TIMM50: variants seen among roughly 807,000 people sequenced by gnomAD.
TIMM50 encodes translocase of inner mitochondrial membrane 50.
In TIMM50, 34 loss-of-function variants were observed where a neutral mutation model predicts 49.6. That is an observed-to-expected ratio of 0.69 (90% confidence interval 0.52 to 0.91). The LOEUF (loss-of-function observed/expected upper bound fraction) is 0.91. Among genes scored for constraint, TIMM50 ranks in the 40% least tolerant of loss-of-function variants. The pLI is 0.00. For synonymous variants in TIMM50, 199 were observed against 198.4 expected, an observed-to-expected ratio of 1.00 and a Z score of -0.03; for missense variants, 458 against 477.8, an observed-to-expected ratio of 0.96 and a Z score of 0.39.
chr19:39,483,000 G>C (rs758131749), intron 3 of TIMM50, 84 bp downstream of exon 3: 2 of 1,608,972 alleles, frequency 1.2e-6, no homozygotes, highest in East Asian at 4.5e-5. Context: ...CAGGCACATT[G>C]CTGGTCTGGA....
rs2079545454 is a variant in TIMM50 at position 39,491,599 on chromosome 19, T to G, written c.*1779T>G. 1 of 151,220 alleles carries G rather than the reference T, an allele frequency of 6.6e-6. No individual in the cohort carries two copies. The highest frequency in any genetic ancestry group is 1.5e-5 in the Non-Finnish European group (1 of 67,820). 9.4% of individuals were successfully genotyped at this position (151,220 alleles called of 1,614,324 possible). A position where few individuals can be genotyped will look rare whatever the true frequency, so the allele number is the denominator to read the frequency against. ...CTTTGGGAGGCCGAAGCAGGAGGAT[T>G]GCTTGAATCCAGGAGTACGAGACCA... On this transcript the variant is annotated 3_prime_UTR_variant, in exon 11 of 11. Coordinates refer to ENST00000607714, the MANE Select transcript of TIMM50 (RefSeq NM_001001563.5).
rs2079559833 is a variant in TIMM50 at position 39,493,236 on chromosome 19, G to A, written c.*3416G>A. 1 of 152,062 alleles carries A rather than the reference G, an allele frequency of 6.6e-6. No individual in the cohort carries two copies. Among genetic ancestry groups the A allele is most frequent in the South Asian group, 2.1e-4 (1 of 4,828 alleles). 9.4% of individuals were successfully genotyped at this position (152,062 alleles called of 1,614,324 possible). On this transcript the variant is annotated 3_prime_UTR_variant, in exon 11 of 11. Transcript: ENST00000607714. ...CCAGCTTGAGGAAGTCTGCAGGACT[G>A]AGGGAGGGGACCTGTGCTTTTTTTT...
intron 7 of TIMM50, 47 bp from the exon 8 acceptor site, chr19:39,486,350 G>C: frequency 6.2e-7 from 1 of 1,613,028 alleles, no homozygotes; most frequent in Non-Finnish European, 8.5e-7. Context: ...GAGATCTGGA[G>C]GACCAGGGCT....
rs376066556 is a variant in TIMM50, at chr19:39,480,838, G to A, written c.-16G>A. ...AGAGGGAGCGAGTGGGCGGGGCCGC[G>A]TGGCGTCAGCGCAAGATGGCGGCCT... On this transcript the variant is annotated 5_prime_UTR_variant, in exon 1 of 11. The change creates a new upstream start codon in the 5' untranslated region. Coordinates refer to ENST00000607714, the MANE Select transcript of TIMM50 (RefSeq NM_001001563.5). 3 of 1,594,022 alleles carry A rather than the reference G, an allele frequency of 1.9e-6. No individual in the cohort carries two copies. The highest frequency in any genetic ancestry group is 4.6e-5 in the East Asian group (2 of 43,884).
intron 2 of TIMM50, 36 bp downstream of exon 2, chr19:39,482,069 T>C: frequency 6.2e-7 from 1 of 1,601,352 alleles, no homozygotes; most frequent in Non-Finnish European, 8.5e-7. Flanking sequence ...GTTTTGTTCC[T>C]TGGCCTCCCT....
At position 39,480,947 on chromosome 19, in the gene TIMM50, C is replaced by T. The variant is rs761234754; in HGVS notation, c.94C>T (p.Arg32Trp). 4 of 1,584,810 alleles carry T rather than the reference C, an allele frequency of 2.5e-6. No individual in the cohort carries two copies. The highest frequency in any genetic ancestry group is 1.1e-5 in the South Asian group (1 of 89,442). The change falls in exon 1 of 11, where the codon CGG becomes TGG. Residue 32 changes from arginine to tryptophan, a missense_variant. Arg to Trp is a moderately radical substitution (Grantham distance 101). Coordinates refer to ENST00000607714, the MANE Select transcript of TIMM50 (RefSeq NM_001001563.5). ...LCTRLATPPR[R>W]APDQAAEIGS... ...CACGAGGTTGGCGACGCCGCCCCGC[C>T]GGGCCCCAGATCAGGTGAGCGGAAC...
In TIMM50 at chr19:39,488,619, A is replaced by C. The variant is rs749295564; in HGVS notation, c.934A>C (p.Lys312Gln). ...GGAGGATGACCCGCTGGCGGCTTTC[A>C]AACAGCGGCAAAGCCGGCTAGAGCA... ...ALEDDPLAAF[K>Q]QRQSRLEQEE... Residue 312 changes from lysine to glutamine, a missense_variant, in exon 10 of 11, where the codon AAA becomes CAA. Coordinates refer to ENST00000607714, the MANE Select transcript of TIMM50 (RefSeq NM_001001563.5). 8 of 1,613,622 alleles carry C rather than the reference A, an allele frequency of 5.0e-6. No homozygotes were observed. In the Admixed American group the frequency reaches 1.3e-4, roughly 27 times the overall value.
chr19:39,484,179 C>T (rs1474588806), intron 4 of TIMM50, among the ~76,000 whole-genome samples: 2 of 152,074 alleles, frequency 1.3e-5, no homozygotes, highest in African/African-American at 4.8e-5. Context: ...TTTTAAGAGG[C>T]AGGCCCATGT....
intron 10 of TIMM50, among the ~76,000 whole-genome samples, chr19:39,489,223 G>GAGAGGGGTCATGGGGCTC (rs2144739867): frequency 6.6e-6 from 1 of 152,072 alleles, no homozygotes; most frequent in Admixed American, 6.6e-5. Flanking sequence ...CCTGCATCCA[G>GAGAGGGGTCATGGGGCTC]AGAGGGGTCA....
In TIMM50 at chr19:39,488,608, T is replaced by C; in HGVS notation, c.923T>C (p.Leu308Pro). 6.2e-7 allele frequency: 1 copy of C among 1,613,652 alleles called. No homozygotes were observed. The highest frequency in any genetic ancestry group is 8.5e-7 in the Non-Finnish European group (1 of 1,180,008). Residue 308 changes from leucine (L) to proline (P), a missense_variant, in exon 10 of 11, where the codon CTG (leucine) becomes CCG (proline). Transcript: ENST00000607714. ...LEHYALEDDP[L>P]AAFKQRQSRL... Reference sequence around the variant, plus strand: ...CACTATGCCCTGGAGGATGACCCGCTGGCGGCTTTCAAACAGCGGCAAAGC... The same window carrying C: ...CACTATGCCCTGGAGGATGACCCGCCGGCGGCTTTCAAACAGCGGCAAAGC...
rs2079555891 is a variant in TIMM50, at chr19:39,492,880, A to AAAAAAAAAAAC, written c.*3070_*3071insCAAAAAAAAAA. The AAAAAAAAAAAC allele has an allele frequency of 7.0e-6, 1 of 143,394 alleles. No homozygotes were observed. The highest frequency in any genetic ancestry group is 1.5e-5 in the Non-Finnish European group (1 of 67,354). 8.9% of individuals were successfully genotyped at this position (143,394 alleles called of 1,614,324 possible). On this transcript the variant is annotated 3_prime_UTR_variant, in exon 11 of 11. Coordinates refer to ENST00000607714, the MANE Select transcript of TIMM50 (RefSeq NM_001001563.5). Reference sequence around the variant, plus strand: ...AGTAAGGCTCTGTCTCCAAAAAAAAAAAAAAAAAAAAACAAAAAAAAAACC... The same window carrying AAAAAAAAAAAC: ...AGTAAGGCTCTGTCTCCAAAAAAAAAAAAAAAAAAACAAAAAAAAAAAACAAAAAAAAAACC...
rs768088837 is a variant in TIMM50, at chr19:39,485,826, A to G, written c.492+19A>G. 2 of 1,613,714 alleles carry G rather than the reference A, an allele frequency of 1.2e-6. No homozygotes were observed. The highest frequency in any genetic ancestry group is 2.2e-5 in the East Asian group (1 of 44,874). On this transcript the variant is annotated intron_variant, in intron 6 of 10. Coordinates refer to ENST00000607714, the MANE Select transcript of TIMM50 (RefSeq NM_001001563.5). ...GTGGTCGGTGTGTCCCGGGAAACCC[A>G]GTGGGTTGGGGATAGACCTGGGCAG...
At chr19:39,481,246 A>T (rs2079469413) in intron 1 of TIMM50, 1 of 485,840 alleles carries the variant, frequency 2.1e-6, no homozygotes, top group Admixed American at 4.0e-5. Flanking sequence ...CTTGAGCAGG[A>T]GGGGCCTGGG....
chr19:39,486,028 A>T, intron 6 of TIMM50, 159 bp from the exon 7 acceptor site: 2 of 1,059,062 alleles, frequency 1.9e-6, no homozygotes, highest in Non-Finnish European at 2.8e-6. Context: ...AAGGAGCCAG[A>T]CCCGCAGTCA....
chr19:39,482,871 G>A lies in TIMM50; in HGVS notation c.260-14G>A, dbSNP rs758041751. 9.9e-6 allele frequency: 16 copies of A among 1,613,788 alleles called. No homozygotes were observed. The South Asian group carries it at 1.6e-4, about 17-fold the overall frequency. Reference sequence around the variant, plus strand: ...GGCCCTAATTCCTCATATTCATCCTGGTCTCCCTTGCAGGAAACAACCCGG... The same window carrying A: ...GGCCCTAATTCCTCATATTCATCCTAGTCTCCCTTGCAGGAAACAACCCGG... On this transcript the variant is annotated splice_polypyrimidine_tract_variant and intron_variant, in intron 2 of 10. Coordinates refer to ENST00000607714, the MANE Select transcript of TIMM50 (RefSeq NM_001001563.5).
Position 39,489,763 on chromosome 19 carries a change from G to A in TIMM50, c.1005G>A (p.Gln335=). 6.2e-7 allele frequency: 1 copy of A among 1,612,634 alleles called. No homozygotes were observed. The highest frequency in any genetic ancestry group is 8.5e-7 in the Non-Finnish European group (1 of 1,179,518). ...CCGAGCTCTCCAAGTCCAACAAGCA[G>A]AACCTCTTCCTTGGCTCCCTCACCA... ...RLAELSKSNK[Q]NLFLGSLTSR... Residue 335 remains glutamine, a synonymous_variant, in exon 11 of 11, where the codon CAG becomes CAA. Transcript: ENST00000607714.
In TIMM50 at chr19:39,480,893, G is replaced by A. The variant is rs755185015; in HGVS notation, c.40G>A (p.Gly14Arg). ...SAAVFSRLRS[G>R]LRLGSRGLCT... ...AGCGGTGTTCTCGCGCTTGCGAAGC[G>A]GGCTCCGGCTCGGCTCGCGGGGACT... Residue 14 changes from glycine (G) to arginine (R), a missense_variant, in exon 1 of 11, where the codon GGG becomes AGG. Gly to Arg is a moderately radical substitution (Grantham distance 125, BLOSUM62 -2). Coordinates refer to ENST00000607714, the MANE Select transcript of TIMM50 (RefSeq NM_001001563.5). 22 of 1,598,814 alleles carry A rather than the reference G, an allele frequency of 1.4e-5. No individual in the cohort carries two copies. The African/African-American group carries it at 2.1e-4, about 16-fold the overall frequency.
chr19:39,482,751 C>A, intron 2 of TIMM50, 134 bp from the exon 3 acceptor site: 1 of 1,190,460 alleles, frequency 8.4e-7, no homozygotes, highest in Non-Finnish European at 1.2e-6. Context: ...CCAGCCCCCT[C>A]CTGGCTTGAC....
In TIMM50 at chr19:39,492,245, C is replaced by T. The variant is rs559870091; in HGVS notation, c.*2425C>T. ...CTGTCATCCCAACACTTCAGGAGGC[C>T]GAGGTGGGAGGATCGCCTGAGGCCA... On this transcript the variant is annotated 3_prime_UTR_variant, in exon 11 of 11. Coordinates refer to ENST00000607714, the MANE Select transcript of TIMM50 (RefSeq NM_001001563.5). 5 of 150,504 alleles carry T rather than the reference C, an allele frequency of 3.3e-5. No homozygotes were observed. The highest frequency in any genetic ancestry group is 2.0e-4 in the East Asian group (1 of 4,980). The allele number at this position is 150,504 out of a possible 1,614,324, so 9.3% of individuals were successfully genotyped here. A position where few individuals can be genotyped will look rare whatever the true frequency, so the allele number is the denominator to read the frequency against.
Sources: allele counts gnomAD v4.1 joint callset (sites outside exome capture counted in the v4.1 genomes callset), GRCh38; gene constraint gnomAD v4.1.1; transcripts MANE v1.5; gene names NCBI Gene and HGNC (gene_info 2026-07-23, HGNC 2026-07-21).